The following TJP1 variants were observed in gnomAD, a reference collection of about 807,000 sequenced individuals.
TJP1 encodes tight junction protein ZO-1.
Under a neutral mutation model 194.2 loss-of-function variants are expected in TJP1, and 43 were observed. The observed-to-expected ratio is 0.22, with a 90% confidence interval of 0.17 to 0.29. The LOEUF (loss-of-function observed/expected upper bound fraction) is 0.29, where lower values mean the gene tolerates loss of function less well. TJP1 is among the 10% of genes least tolerant of loss of function. The probability of loss-of-function intolerance (pLI) is 1.00; values close to 1 mark genes in which losing one functional copy is unlikely to be tolerated. For synonymous variants in TJP1, 801 were observed against 779.0 expected, an observed-to-expected ratio of 1.03 and a Z score of -0.47; for missense variants, 1,971 against 2,185.7, an observed-to-expected ratio of 0.90 and a Z score of 1.96.
intron 12 of TJP1, among the ~76,000 whole-genome samples, chr15:29,733,770 C>T (rs7176466): frequency 0.94 from 143,456 of 152,190 alleles, 67,817 homozygotes; most frequent in East Asian, 1. Context: ...CTAGGAATGC[C>T]CCTAAACATC....
intron 2 of TJP1, among the ~76,000 whole-genome samples, chr15:29,857,911 G>T (rs1201071801): frequency 6.6e-6 from 1 of 152,120 alleles, no homozygotes; most frequent in African/African-American, 2.4e-5. Flanking sequence ...ACAGGCACCA[G>T]TCACCATGCC....
chr15:29,932,262 C>T (rs564211012), intron 2 of TJP1, among the ~76,000 whole-genome samples: 2 of 152,218 alleles, frequency 1.3e-5, no homozygotes, highest in South Asian at 4.1e-4. Flanking sequence ...ATTATAGTAA[C>T]TAAGACAGGT....
At chr15:29,765,180 T>C (rs1566979551) in intron 5 of TJP1, among the ~76,000 whole-genome samples, 1 of 152,002 alleles carries the variant, frequency 6.6e-6, no homozygotes, top group Non-Finnish European at 1.5e-5. Context: ...AAACTTCCAC[T>C]AGATTTAGTG....
chr15:29,957,874 G>A (rs559682463), intron 1 of TJP1, among the ~76,000 whole-genome samples: 9 of 152,260 alleles, frequency 5.9e-5, no homozygotes, highest in African/African-American at 1.9e-4. Flanking sequence ...AACAGTATAT[G>A]AGAATACCCA....
chr15:29,742,708 G>C lies in TJP1; in HGVS notation c.1084C>G (p.His362Asp). 6.2e-7 allele frequency: 1 copy of C among 1,608,204 alleles called. No homozygotes were observed. Among genetic ancestry groups the C allele is most frequent in the Non-Finnish European group, 8.5e-7 (1 of 1,177,618 alleles). Residue 362 changes from histidine (H) to aspartate (D), a missense_variant, in exon 9 of 28, where the codon CAC becomes GAC. His to Asp is a moderately conservative substitution (Grantham distance 81). Coordinates refer to ENST00000614355, the MANE Select transcript of TJP1 (RefSeq NM_001330239.4). ...VSTPVKHADD[H>D]TPKTVEEVTV... is the part of the protein sequence containing the mutation. The stretch of plus-strand genomic sequence containing the variant: ...ACTTCTTCCACTGTTTTAGGTGTGT[G>C]ATCATCAGCATGCTTTACAGGAGTT...
chr15:29,815,305 C>G (rs1385781752), intron 1 of TJP1, among the ~76,000 whole-genome samples: 1 of 152,188 alleles, frequency 6.6e-6, no homozygotes, highest in Non-Finnish European at 1.5e-5. Context: ...ACTTTAAAAT[C>G]TGTAAACTAT....
At chr15:29,948,263 A>C (rs1008367498) in intron 2 of TJP1, among the ~76,000 whole-genome samples, 8 of 135,374 alleles carry the variant, frequency 5.9e-5, no homozygotes, top group East Asian at 2.0e-4. Context: ...TCCATCACAA[A>C]AAAAAAAAAA....
At chr15:29,797,426 A>C (rs2048485523) in intron 2 of TJP1, among the ~76,000 whole-genome samples, 1 of 152,192 alleles carries the variant, frequency 6.6e-6, no homozygotes, top group South Asian at 2.1e-4. Context: ...TTGGGTTTAC[A>C]GGCTTGAGCC....
chr15:29,941,993 C>G (rs2055097660), intron 2 of TJP1, among the ~76,000 whole-genome samples: 2 of 152,130 alleles, frequency 1.3e-5, no homozygotes, highest in Admixed American at 1.3e-4. Flanking sequence ...CCATGCCCGC[C>G]CACCAGAGCT....
intron 1 of TJP1, among the ~76,000 whole-genome samples, chr15:29,811,554 C>T (rs760396689): frequency 1.1e-3 from 161 of 152,276 alleles, no homozygotes; most frequent in Non-Finnish European, 1.5e-3. Flanking sequence ...ATTCACCATA[C>T]TAGGTAGACA....
intron 2 of TJP1, among the ~76,000 whole-genome samples, chr15:29,949,351 C>G (rs796294996): frequency 7.1e-6 from 1 of 140,780 alleles, no homozygotes; most frequent in Admixed American, 7.2e-5. Context: ...CCACCACCAC[C>G]ACCTCCACCA....
chr15:29,913,194 A>C (rs959997817), intron 2 of TJP1, among the ~76,000 whole-genome samples: 25 of 146,346 alleles, frequency 1.7e-4, no homozygotes, highest in African/African-American at 5.5e-4. Context: ...GATCACAAAA[A>C]AAAAAGGGGG....
rs922557512 is a variant in TJP1 at position 29,700,221 on chromosome 15, G to T, written c.*1374C>A. 1.5e-5 allele frequency: 6 copies of T among 398,800 alleles called. No homozygotes were observed. The highest frequency in any genetic ancestry group is 1.0e-4 in the African/African-American group (5 of 48,600). 24.7% of individuals were successfully genotyped at this position (398,800 alleles called of 1,614,324 possible). The stretch of plus-strand genomic sequence containing the variant: ...TTTTAATAACGGCAAAAGAAATTCA[G>T]TCACACCTAATGATTAACAGAATGT... On this transcript the variant is annotated 3_prime_UTR_variant, in exon 28 of 28. Coordinates refer to ENST00000614355, the MANE Select transcript of TJP1 (RefSeq NM_001330239.4).
intron 2 of TJP1, among the ~76,000 whole-genome samples, chr15:29,790,737 G>A (rs117781605): frequency 0.011 from 1,613 of 148,964 alleles, 10 homozygotes; most frequent in Admixed American, 0.018. Flanking sequence ...CTCTGTCTCC[G>A]TGAGTTCATT....
intron 2 of TJP1, among the ~76,000 whole-genome samples, chr15:29,831,205 ACT>A (rs1413938097): frequency 6.6e-6 from 1 of 152,202 alleles, no homozygotes; most frequent in Non-Finnish European, 1.5e-5. Flanking sequence ...TAGCCAAATA[ACT>A]CTAATTGCTG....
chr15:29,750,099 C>G (rs868063184), intron 8 of TJP1, among the ~76,000 whole-genome samples: 1 of 152,036 alleles, frequency 6.6e-6, no homozygotes, highest in Non-Finnish European at 1.5e-5. Context: ...GCTCCGCCTC[C>G]CGGGTTCACG....
intron 2 of TJP1, among the ~76,000 whole-genome samples, chr15:29,781,781 C>T (rs1278152914): frequency 6.6e-6 from 1 of 152,138 alleles, no homozygotes; most frequent in Non-Finnish European, 1.5e-5. Context: ...ATCTTAAGAA[C>T]TCTCAATAAA....
intron 2 of TJP1, among the ~76,000 whole-genome samples, chr15:29,903,161 C>T (rs1447900855): frequency 6.6e-6 from 1 of 152,058 alleles, no homozygotes; most frequent in African/African-American, 2.4e-5. Context: ...CGGCTTCTGG[C>T]TTGGAGAAGG....
chr15:29,711,130 TG>T lies in TJP1; in HGVS notation c.4203-131del, dbSNP rs929321647. On this transcript the variant is annotated intron_variant, in intron 23 of 27. Transcript: ENST00000614355. ...ATTTCACAATTTATTCTCATGAGTA[TG>T]GGTAGCTACTCTACCAAAATATAAA... 7 of 1,038,288 alleles carry T rather than the reference TG, an allele frequency of 6.7e-6. No homozygotes were observed. In the African/African-American group the frequency reaches 9.7e-5, roughly 14 times the overall value. 64.3% of individuals were successfully genotyped at this position (1,038,288 alleles called of 1,614,324 possible).
Sources: gnomAD v4.1 joint callset for allele counts (sites outside exome capture counted in the v4.1 genomes callset) on GRCh38, gnomAD v4.1.1 for gene constraint, MANE v1.5 for transcripts, NCBI Gene and HGNC (gene_info 2026-07-23, HGNC 2026-07-21) for gene names.